Variants in FCRL3 observed in about 807,000 individuals in gnomAD.
FCRL3 encodes the protein Fc receptor like 3.
Under a neutral mutation model 75.0 loss-of-function variants are expected in FCRL3, and 89 were observed. That is an observed-to-expected ratio of 1.19 (90% CI 1.00 to 1.42). FCRL3 has a LOEUF of 1.42. Ranked by LOEUF, FCRL3 falls within the 40% of genes most tolerant of loss-of-function variation. FCRL3 has a pLI of 0.00. For missense variants in FCRL3, 946 were observed against 880.0 expected (o/e 1.07, Z -0.95); for synonymous variants, 376 against 348.5 (o/e 1.08, Z -0.88).
In FCRL3 at chr1:157,697,612, C is replaced by T. The variant is rs767759465; in HGVS notation, c.559+47G>A. Reference sequence around the variant, plus strand: ...ACTGATAAACATCTTCCCTTTATCCCCAGTTTCCCTAACAAACCCAGTAAT... The same window carrying T: ...ACTGATAAACATCTTCCCTTTATCCTCAGTTTCCCTAACAAACCCAGTAAT... On this transcript the variant is annotated intron_variant, in intron 5 of 14. Coordinates refer to ENST00000368184, the MANE Select transcript of FCRL3 (RefSeq NM_052939.4). The T allele has an allele frequency of 8.6e-5, 136 of 1,575,060 alleles. 2 individuals are homozygous for T. The Admixed American group carries it at 2.3e-3, about 27-fold the overall frequency.
At chr1:157,695,726 G>C (rs910617052) in intron 7 of FCRL3, 119 bp from the exon 8 acceptor site, 4 of 1,200,762 alleles carry the variant, frequency 3.3e-6, no homozygotes, top group Non-Finnish European at 4.6e-6. Flanking sequence ...TTTCCCCACT[G>C]ATCACATTTT....
rs1656260101 is a variant in FCRL3 at position 157,700,651 on chromosome 1, A to C, written c.-97+11T>G. The C allele has an allele frequency of 6.8e-7, 1 of 1,481,370 alleles. No individual in the cohort carries two copies. The highest frequency in any genetic ancestry group is 9.0e-7 in the Non-Finnish European group (1 of 1,111,774). 91.8% of individuals were successfully genotyped at this position (1,481,370 alleles called of 1,614,324 possible). A position where few individuals can be genotyped will look rare whatever the true frequency, so the allele number is the denominator to read the frequency against. ...TTTTGCTTTGGGCTCTGAAAATGTG[A>C]ATGTGGCTACCTTCCTAAATGCTGT... On this transcript the variant is annotated intron_variant, in intron 1 of 14. Coordinates refer to ENST00000368184, the MANE Select transcript of FCRL3 (RefSeq NM_052939.4).
At chr1:157,698,711 A>G in intron 3 of FCRL3, 82 bp from the exon 4 acceptor site, 2 of 1,460,102 alleles carry the variant, frequency 1.4e-6, no homozygotes, top group East Asian at 4.6e-5. Context: ...ACCTACAGTC[A>G]GGAGTTTTCC....
chr1:157,684,247 C>T (rs1383042218), intron 10 of FCRL3, among the ~76,000 whole-genome samples: 2 of 152,162 alleles, frequency 1.3e-5, no homozygotes, highest in Non-Finnish European at 2.9e-5. Context: ...AAGCCTTATC[C>T]AGGTTCCCAT....
At chr1:157,697,995 A>T (rs1298923079) in intron 4 of FCRL3, 76 bp from the exon 5 acceptor site, 49 of 1,520,330 alleles carry the variant, frequency 3.2e-5, no homozygotes, top group African/African-American at 4.1e-5. Context: ...CCCATGAGGC[A>T]AGAGCCACAG....
intron 10 of FCRL3, among the ~76,000 whole-genome samples, chr1:157,687,974 A>T (rs1029918783): frequency 1.3e-5 from 2 of 152,170 alleles, no homozygotes; most frequent in Non-Finnish European, 2.9e-5. Context: ...CTATTATACT[A>T]ACAAAGGAAG....
rs1422638157 is a variant in FCRL3, at chr1:157,677,315, T to G, written c.*1395A>C. ...CAGAAATGGTGATTGTTTGAATGCATGTAAGACATTCCCTAGGGACTCCAA... is the reference window on the plus strand; with the variant it reads ...CAGAAATGGTGATTGTTTGAATGCAGGTAAGACATTCCCTAGGGACTCCAA... On this transcript the variant is annotated 3_prime_UTR_variant, in exon 15 of 15. Coordinates refer to ENST00000368184, the MANE Select transcript of FCRL3 (RefSeq NM_052939.4). 50 of 987,578 alleles carry G rather than the reference T, an allele frequency of 5.1e-5. No individual in the cohort carries two copies. The highest frequency in any genetic ancestry group is 5.3e-5 in the Non-Finnish European group (44 of 831,248). The allele number at this position is 987,578 out of a possible 1,614,324, so 61.2% of individuals were successfully genotyped here. A position where few individuals can be genotyped will look rare whatever the true frequency, so the allele number is the denominator to read the frequency against.
Position 157,697,737 on chromosome 1 carries a change from A to G in FCRL3, c.481T>C (p.Tyr161His). Residue 161 changes from tyrosine to histidine, a missense_variant, in exon 5 of 15, where the codon TAT (tyrosine) becomes CAT (histidine). Transcript: ENST00000368184. The part of the protein sequence containing the change: ...VNSVSRDNSK[Y>H]HCTAYRKFYI... ...AACTTCCTATAAGCAGTACAATGAT[A>G]TTTGCTATTATCCCTGGAGACTGAA... 3 of 1,613,890 alleles carry G rather than the reference A, an allele frequency of 1.9e-6. No homozygotes were observed. The highest frequency in any genetic ancestry group is 2.5e-6 in the Non-Finnish European group (3 of 1,179,832).
chr1:157,690,280 A>G lies in FCRL3; in HGVS notation c.1665T>C (p.Ser555=), dbSNP rs767643907. ...EADNGLGAQH[S]KVVTLNVTGT... ...CTGTAACATTGAGTGTCACCACTTT[A>G]CTGTGCTGGGCCCCCAGGCCATTGT... is the stretch of plus-strand genomic sequence containing the variant. Residue 555 remains serine (S), a synonymous_variant, in exon 9 of 15, where the codon AGT becomes AGC. Coordinates refer to ENST00000368184, the MANE Select transcript of FCRL3 (RefSeq NM_052939.4). 2 of 1,614,210 alleles carry G rather than the reference A, an allele frequency of 1.2e-6. No individual in the cohort carries two copies. Among genetic ancestry groups the G allele is most frequent in the South Asian group, 1.1e-5 (1 of 91,080 alleles).
At chr1:157,690,964 T>C (rs1655494238) in intron 8 of FCRL3, among the ~76,000 whole-genome samples, 3 of 152,120 alleles carry the variant, frequency 2.0e-5, no homozygotes, top group Admixed American at 2.0e-4. Context: ...TTGCTTTATT[T>C]TTCTACATAG....
intron 10 of FCRL3, 115 bp from the exon 11 acceptor site, chr1:157,683,359 A>C (rs1654970061): frequency 7.7e-7 from 1 of 1,293,976 alleles, no homozygotes; most frequent in Non-Finnish European, 1.1e-6. Flanking sequence ...CTACGGAAAA[A>C]CTCAAGGATT....
intron 14 of FCRL3, 22 bp from the exon 15 acceptor site, chr1:157,678,878 G>C (rs771640741): frequency 6.2e-7 from 1 of 1,613,916 alleles, no homozygotes; most frequent in East Asian, 2.2e-5. Flanking sequence ...AAACACAAAA[G>C]GTAAGTACCT....
chr1:157,676,951 A>G lies in FCRL3; in HGVS notation c.*1759T>C. The G allele has an allele frequency of 7.1e-7, 1 of 1,406,376 alleles. No individual in the cohort carries two copies. Among genetic ancestry groups the G allele is most frequent in the East Asian group, 2.6e-5 (1 of 37,950 alleles). The allele number at this position is 1,406,376 out of a possible 1,614,324, so 87.1% of individuals were successfully genotyped here. On this transcript the variant is annotated 3_prime_UTR_variant, in exon 15 of 15. Transcript: ENST00000368184. ...GTTTACATATTTTCACCATAGAGAA[A>G]AAAACAGCAGAATGTATCACATAGA...
Position 157,677,948 on chromosome 1 carries a change from A to G in FCRL3, c.*762T>C, listed in dbSNP as rs1014414725. 1.0e-6 allele frequency: 1 copy of G among 985,080 alleles called. No homozygotes were observed. The highest frequency in any genetic ancestry group is 1.7e-5 in the African/African-American group (1 of 57,330). 61.0% of individuals were successfully genotyped at this position (985,080 alleles called of 1,614,324 possible). On this transcript the variant is annotated 3_prime_UTR_variant, in exon 15 of 15. Transcript: ENST00000368184. ...ATAGTAGGTTATTGTCTCGGGGTTA[A>G]TGGGTGCTTATAAGAATAAAACTGA...
chr1:157,698,589 C>T lies in FCRL3; in HGVS notation c.93G>A (p.Trp31Ter). The change falls in exon 4 of 15, where the codon TGG becomes TGA. Residue 31 changes from tryptophan (W) to a stop codon, truncating the protein, a stop_gained. Transcript: ENST00000368184. LOFTEE classifies it high-confidence loss of function. ...PKAVLLLNPP[W>*]STAFKGEKVA... is the part of the protein sequence containing the mutation. ...CTTTTTCTCCTTTGAAGGCTGTGGA[C>T]CATGGAGGATTGAGGAGAAGTACAG... The T allele has an allele frequency of 6.2e-7, 1 of 1,613,918 alleles. No individual in the cohort carries two copies. The highest frequency in any genetic ancestry group is 1.3e-5 in the African/African-American group (1 of 74,998).
At chr1:157,700,382 G>A (rs1656236303) in intron 2 of FCRL3, 77 bp downstream of exon 2, 6 of 1,606,678 alleles carry the variant, frequency 3.7e-6, no homozygotes, top group Non-Finnish European at 5.1e-6. Context: ...TAGAAGCAGA[G>A]ATAGAAGCTC....
At chr1:157,686,747 T>G (rs746523497) in intron 10 of FCRL3, among the ~76,000 whole-genome samples, 2 of 152,156 alleles carry the variant, frequency 1.3e-5, no homozygotes, top group Non-Finnish European at 2.9e-5. Flanking sequence ...TTCAGAAAAC[T>G]GAAACTAGAC....
chr1:157,697,351 A>C lies in FCRL3; in HGVS notation c.633T>G (p.Cys211Trp), dbSNP rs1655991727. The change falls in exon 6 of 15, where the codon TGT (cysteine) becomes TGG (tryptophan). Residue 211 changes from cysteine (C) to tryptophan (W), a missense_variant. Transcript: ENST00000368184. ...GCCTCTGTGGAGAGAGCTGGGTCTCACAGGTCAGGGTCATGGGACTCCCCT... is the reference window on the plus strand; with the variant it reads ...GCCTCTGTGGAGAGAGCTGGGTCTCCCAGGTCAGGGTCATGGGACTCCCCT... ...PIEGSPMTLTCETQLSPQRPD... is the reference protein window; with the variant it reads ...PIEGSPMTLTWETQLSPQRPD... 6.2e-7 allele frequency: 1 copy of C among 1,608,664 alleles called. No individual in the cohort carries two copies. The highest frequency in any genetic ancestry group is 8.5e-7 in the Non-Finnish European group (1 of 1,177,396).
intron 8 of FCRL3, among the ~76,000 whole-genome samples, chr1:157,694,477 T>C (rs998258797): frequency 6.6e-6 from 1 of 152,182 alleles, no homozygotes; most frequent in African/African-American, 2.4e-5. Context: ...CAAGAGTCCA[T>C]GGCAAAATCC....
Sources: gnomAD v4.1 joint callset for allele counts (sites outside exome capture counted in the v4.1 genomes callset) on GRCh38, gnomAD v4.1.1 for gene constraint, MANE v1.5 for transcripts, NCBI Gene and HGNC (gene_info 2026-07-23, HGNC 2026-07-21) for gene names.